SHC4: variants seen among roughly 807,000 people sequenced by gnomAD.
SHC4 encodes SHC adaptor protein 4.
In SHC4, 41 loss-of-function variants were observed where a neutral mutation model predicts 69.4. The ratio of observed to expected loss-of-function variants is 0.59; its 90% CI spans 0.46 to 0.77. SHC4 has a LOEUF of 0.77. SHC4 is among the 30% of genes least tolerant of loss of function. The probability of loss-of-function intolerance (pLI) is 0.00; values close to 1 mark genes in which losing one functional copy is unlikely to be tolerated. For synonymous variants in SHC4, 318 were observed against 299.3 expected, an observed-to-expected ratio of 1.06 and a Z score of -0.64; for missense variants, 777 against 783.8, an observed-to-expected ratio of 0.99 and a Z score of 0.10.
At position 48,855,373 on chromosome 15, in the gene SHC4, A is replaced by G. The variant is rs146887450; in HGVS notation, c.1242+580T>C. On this transcript the variant is annotated intron_variant, in intron 8 of 11. Transcript: ENST00000332408. ...AAAAGTAACTTCCATCAGATTGTCAAGCAGAGTTCAGATCTTCCAGTATAG... is the reference window on the plus strand; with the variant it reads ...AAAAGTAACTTCCATCAGATTGTCAGGCAGAGTTCAGATCTTCCAGTATAG... Among the ~76,000 whole-genome samples, 888 of 152,324 alleles carry G rather than the reference A, an allele frequency of 5.8e-3. 12 individuals are homozygous for G. Among genetic ancestry groups the G allele is most frequent in the African/African-American group, 0.02 (848 of 41,576 alleles).
At chr15:48,859,756 A>G (rs1899403919) in intron 6 of SHC4, among the ~76,000 whole-genome samples, 1 of 152,230 alleles carries the variant, frequency 6.6e-6, no homozygotes, top group Non-Finnish European at 1.5e-5. Context: ...ACTAGGTGAT[A>G]TAAATTATTT....
At chr15:48,926,076 C>T (rs1900848544) in intron 1 of SHC4, among the ~76,000 whole-genome samples, 1 of 152,152 alleles carries the variant, frequency 6.6e-6, no homozygotes, top group African/African-American at 2.4e-5. Context: ...TGACTTAAGG[C>T]ACCGGTGGGG....
intron 2 of SHC4, among the ~76,000 whole-genome samples, chr15:48,919,562 T>A (rs904621628): frequency 3.3e-5 from 5 of 151,940 alleles, no homozygotes; most frequent in African/African-American, 1.2e-4. Flanking sequence ...GTGCTGGGAC[T>A]ACAGGTGTGA....
At chr15:48,951,966 G>T (rs549053885) in intron 1 of SHC4, among the ~76,000 whole-genome samples, 2 of 152,296 alleles carry the variant, frequency 1.3e-5, no homozygotes, top group African/African-American at 2.4e-5. Flanking sequence ...TGGCCTGGGA[G>T]TAAGGAGATG....
chr15:48,898,766 A>T (rs1043564405), intron 2 of SHC4, among the ~76,000 whole-genome samples: 4 of 152,180 alleles, frequency 2.6e-5, no homozygotes, highest in Non-Finnish European at 5.9e-5. Context: ...CTGTAATACA[A>T]TCATGTATCT....
At chr15:48,883,651 A>G (rs75789026) in intron 4 of SHC4, among the ~76,000 whole-genome samples, 2,208 of 152,314 alleles carry the variant, frequency 0.014, 66 homozygotes, top group African/African-American at 0.051. Flanking sequence ...CGTATCTTCT[A>G]CATTTGCTTC....
intron 2 of SHC4, among the ~76,000 whole-genome samples, chr15:48,891,449 C>T (rs754177947): frequency 3.3e-5 from 5 of 152,202 alleles, no homozygotes; most frequent in Non-Finnish European, 7.3e-5. Flanking sequence ...AAAGGCACCG[C>T]TAAAATAAGT....
chr15:48,872,698 G>T (rs1899707893), intron 4 of SHC4, among the ~76,000 whole-genome samples: 1 of 152,134 alleles, frequency 6.6e-6, no homozygotes, highest in Non-Finnish European at 1.5e-5. Context: ...GTTTGAATTT[G>T]ATTTCAGTCA....
chr15:48,907,493 T>C (rs938294829), intron 2 of SHC4, among the ~76,000 whole-genome samples: 78 of 151,934 alleles, frequency 5.1e-4, no homozygotes, highest in African/African-American at 1.9e-3. Context: ...GTTTGTGAGA[T>C]TTCAATGCAC....
At chr15:48,921,686 G>A (rs1463534813) in intron 2 of SHC4, among the ~76,000 whole-genome samples, 11 of 152,084 alleles carry the variant, frequency 7.2e-5, no homozygotes, top group Non-Finnish European at 8.8e-5. Context: ...TTTCATCTTC[G>A]GGAAGATGAA....
chr15:48,903,271 A>T (rs1377268174), intron 2 of SHC4, among the ~76,000 whole-genome samples: 6 of 152,224 alleles, frequency 3.9e-5, no homozygotes, highest in Non-Finnish European at 7.3e-5. Flanking sequence ...GAGATGCACC[A>T]ACTGTCCTGC....
chr15:48,886,086 G>A (rs538285309), intron 3 of SHC4, among the ~76,000 whole-genome samples: 3 of 152,122 alleles, frequency 2.0e-5, no homozygotes, highest in East Asian at 1.9e-4. Flanking sequence ...GTGAAACCCC[G>A]TCTCTACTAA....
intron 9 of SHC4, among the ~76,000 whole-genome samples, chr15:48,844,859 C>T (rs980110155): frequency 5.3e-5 from 8 of 152,246 alleles, no homozygotes; most frequent in Non-Finnish European, 7.4e-5. Flanking sequence ...TGCCTTCTGC[C>T]ATGATTGTGA....
chr15:48,876,313 G>C (rs568082950), intron 4 of SHC4, among the ~76,000 whole-genome samples: 37 of 152,258 alleles, frequency 2.4e-4, no homozygotes, highest in Non-Finnish European at 4.4e-4. Context: ...GATTTTGAAA[G>C]AGACTGAGCC....
At chr15:48,961,657 T>C (rs1371679636) in intron 1 of SHC4, among the ~76,000 whole-genome samples, 1 of 152,260 alleles carries the variant, frequency 6.6e-6, no homozygotes, top group Non-Finnish European at 1.5e-5. Context: ...CATTCTCATA[T>C]TAGCTATCTA....
chr15:48,873,740 CA>C (rs56275825), intron 4 of SHC4, among the ~76,000 whole-genome samples: 108 of 137,726 alleles, frequency 7.8e-4, no homozygotes, highest in Middle Eastern at 3.6e-3. Flanking sequence ...GACTCCGTCT[CA>C]AAAAAAAAAA....
intron 2 of SHC4, among the ~76,000 whole-genome samples, chr15:48,910,736 G>A (rs1364183187): frequency 1.3e-5 from 2 of 152,062 alleles, no homozygotes; most frequent in East Asian, 3.9e-4. Flanking sequence ...CGCCTTAGCT[G>A]TATCCCAGAG....
chr15:48,874,711 TAA>T (rs1331476013), intron 4 of SHC4, among the ~76,000 whole-genome samples: 5 of 152,162 alleles, frequency 3.3e-5, no homozygotes, highest in South Asian at 4.1e-4. Flanking sequence ...GAGACCATAA[TAA>T]ATCAATTGCT....
rs909237714 is a variant in SHC4, at chr15:48,962,846, T to C, written c.170A>G (p.Gln57Arg). Reference sequence around the variant, plus strand: ...AGGTGCCAGGGCGGGGTGGGGAGGCTGCGGCGAGCCCTTGTTCCCGACCGA... The same window carrying C: ...AGGTGCCAGGGCGGGGTGGGGAGGCCGCGGCGAGCCCTTGTTCCCGACCGA... ...GGSVGNKGSP[Q>R]PPHPALAPHL... Residue 57 changes from glutamine to arginine, a missense_variant, in exon 1 of 12, where the codon CAG becomes CGG. Physicochemically the swap from Gln to Arg is conservative, Grantham distance 43 (BLOSUM62 1). Transcript: ENST00000332408. 6.8e-6 allele frequency: 11 copies of C among 1,612,740 alleles called. No homozygotes were observed. The highest frequency in any genetic ancestry group is 2.7e-5 in the African/African-American group (2 of 74,844).
Sources: allele counts gnomAD v4.1 joint callset (sites outside exome capture counted in the v4.1 genomes callset), GRCh38; gene constraint gnomAD v4.1.1; transcripts MANE v1.5; gene names NCBI Gene and HGNC (gene_info 2026-07-23, HGNC 2026-07-21).